SCP2: variants seen among roughly 807,000 people sequenced by gnomAD.
SCP2 encodes the protein sterol carrier protein 2.
SCP2 carries 48 observed loss-of-function variants against 71.4 expected under a neutral mutation model. That is an observed-to-expected ratio of 0.67 (90% CI 0.53 to 0.86). The LOEUF (loss-of-function observed/expected upper bound fraction) is 0.86, where lower values mean the gene tolerates loss of function less well. Ranked by LOEUF, SCP2 falls within the 40% of genes least tolerant of loss-of-function variation. The pLI is 0.00. For synonymous variants in SCP2, 220 were observed against 218.1 expected (o/e 1.01, Z -0.08); for missense variants, 560 against 655.6 (o/e 0.85, Z 1.59).
At chr1:52,927,916 C>A (rs1395141942) in intron 1 of SCP2, among the ~76,000 whole-genome samples, 2 of 152,178 alleles carry the variant, frequency 1.3e-5, no homozygotes, top group Admixed American at 1.3e-4. Context: ...AGATTCCGGC[C>A]TCCCTCTGTC....
rs77775032 is a variant in SCP2, at chr1:53,019,304, G to T, written c.1235+4261G>T. On this transcript the variant is annotated intron_variant, in intron 12 of 15. Coordinates refer to ENST00000371514, the MANE Select transcript of SCP2 (RefSeq NM_002979.5). ...TTAACTGGCATTATTCTGTAAAGAA[G>T]AGCTTTCCCTTGTCTTCCATTTCAA... is the stretch of plus-strand genomic sequence containing the variant. Among the ~76,000 whole-genome samples, 195 of 152,274 alleles carry T rather than the reference G, an allele frequency of 1.3e-3. 1 individual carries two copies. Among genetic ancestry groups the T allele is most frequent in the African/African-American group, 4.3e-3 (180 of 41,566 alleles).
In SCP2 at chr1:52,950,776, G is replaced by A; in HGVS notation, c.221G>A (p.Arg74Lys). Residue 74 changes from arginine (R) to lysine (K), a missense_variant, in exon 4 of 16, where the codon AGG becomes AAG. By Grantham distance (26) the Arg-to-Lys change is conservative. Around this residue, in one of 3 missense-constraint regions of SCP2, gnomAD observed 513 missense variants for 573.1 expected, o/e 0.90. Transcript: ENST00000371514. ...YVFGDSTCGQ[R>K]AIYHSLGMTG... ...TCAGGTGACTCTACCTGTGGGCAGAGGGCTATCTATCACAGTTTGGGAATG... is the reference window on the plus strand; with the variant it reads ...TCAGGTGACTCTACCTGTGGGCAGAAGGCTATCTATCACAGTTTGGGAATG... The A allele has an allele frequency of 6.2e-7, 1 of 1,613,712 alleles. No individual in the cohort carries two copies. The highest frequency in any genetic ancestry group is 8.5e-7 in the Non-Finnish European group (1 of 1,179,706).
chr1:53,033,825 G>T (rs1259519150), intron 13 of SCP2, among the ~76,000 whole-genome samples: 1 of 152,042 alleles, frequency 6.6e-6, no homozygotes, highest in Admixed American at 6.6e-5. Context: ...AAGAAATTAG[G>T]AGCCTATGTT....
intron 12 of SCP2, 60 bp downstream of exon 12, chr1:53,015,103 A>G: frequency 6.8e-7 from 1 of 1,467,382 alleles, no homozygotes; most frequent in Non-Finnish European, 9.6e-7. Context: ...ACAGTTGATG[A>G]TGTTTTACAT....
chr1:53,016,057 A>G (rs1188648748), intron 12 of SCP2, among the ~76,000 whole-genome samples: 1 of 151,800 alleles, frequency 6.6e-6, no homozygotes, highest in Admixed American at 6.6e-5. Context: ...TTATTATTAT[A>G]CTTTAAGTTG....
chr1:53,051,683 G>A lies in SCP2; in HGVS notation c.*979G>A, dbSNP rs1427922602. 3 of 152,158 alleles carry A rather than the reference G, an allele frequency of 2.0e-5. No homozygotes were observed. Among genetic ancestry groups the A allele is most frequent in the Non-Finnish European group, 4.4e-5 (3 of 68,034 alleles). 9.4% of individuals were successfully genotyped at this position (152,158 alleles called of 1,614,324 possible). On this transcript the variant is annotated 3_prime_UTR_variant, in exon 16 of 16. Coordinates refer to ENST00000371514, the MANE Select transcript of SCP2 (RefSeq NM_002979.5). ...ATGCAGAATAAAGAGAAACGTTGGGGGATTTATAAACTGAATGTTATCTGG... is the reference window on the plus strand; with the variant it reads ...ATGCAGAATAAAGAGAAACGTTGGGAGATTTATAAACTGAATGTTATCTGG...
rs140993476 is a variant in SCP2 at position 52,930,517 on chromosome 1, T to A, written c.69+3052T>A. ...GGCGCACACCTATAGTCCCAACCAC[T>A]CGGGAGGCTTATCTGGGAGGATCAC... On this transcript the variant is annotated intron_variant, in intron 1 of 15. Transcript: ENST00000371514. Among the ~76,000 whole-genome samples, 1,345 of 151,978 alleles carry A rather than the reference T, an allele frequency of 8.8e-3. 10 individuals are homozygous for A. Among genetic ancestry groups the A allele is most frequent in the Middle Eastern group, 0.024 (7 of 294 alleles).
chr1:52,935,671 C>T (rs1316907287), intron 1 of SCP2, among the ~76,000 whole-genome samples: 1 of 151,696 alleles, frequency 6.6e-6, no homozygotes, highest in Non-Finnish European at 1.5e-5. Context: ...TAGTGAGTGG[C>T]TCATGCCTGT....
chr1:53,023,989 C>G (rs1162233794), intron 12 of SCP2, among the ~76,000 whole-genome samples: 1 of 152,170 alleles, frequency 6.6e-6, no homozygotes, highest in African/African-American at 2.4e-5. Flanking sequence ...ATCTGATCCT[C>G]TTTCTTCGCT....
chr1:53,013,927 G>T (rs1294335998), intron 11 of SCP2, among the ~76,000 whole-genome samples: 1 of 105,830 alleles, frequency 9.4e-6, no homozygotes, highest in Non-Finnish European at 1.8e-5. Flanking sequence ...ACGGAGTCTT[G>T]CTCTGTCGCC....
intron 11 of SCP2, among the ~76,000 whole-genome samples, chr1:53,005,138 G>C (rs945500452): frequency 1.3e-5 from 2 of 152,156 alleles, no homozygotes; most frequent in Admixed American, 6.5e-5. Context: ...GCTTGAACTG[G>C]GTGGAGCCCA....
intron 5 of SCP2, among the ~76,000 whole-genome samples, chr1:52,956,902 C>CTTTTTTTT (rs370787153): frequency 2.8e-5 from 3 of 105,898 alleles, no homozygotes; most frequent in African/African-American, 8.1e-5. Context: ...CTCCTTCTGC[C>CTTTTTTTT]TTTTTTTTTT....
chr1:53,021,649 T>C (rs539230157), intron 12 of SCP2, among the ~76,000 whole-genome samples: 74 of 110,034 alleles, frequency 6.7e-4, no homozygotes, highest in Admixed American at 2.3e-3. Flanking sequence ...TTCTTTCTTT[T>C]TTTTTTTTTT....
intron 14 of SCP2, among the ~76,000 whole-genome samples, chr1:53,040,312 A>T (rs138717406): frequency 1.4e-4 from 21 of 152,284 alleles, no homozygotes; most frequent in Non-Finnish European, 2.1e-4. Context: ...CTGTCTTACT[A>T]TGTATGTCCT....
chr1:53,046,944 A>T (rs1263419180), intron 14 of SCP2, among the ~76,000 whole-genome samples: 1 of 152,242 alleles, frequency 6.6e-6, no homozygotes, highest in Non-Finnish European at 1.5e-5. Flanking sequence ...TCCATGGATA[A>T]GTAGGCTGAG....
intron 11 of SCP2, among the ~76,000 whole-genome samples, chr1:52,989,818 G>T (rs1659312492): frequency 6.6e-6 from 1 of 152,118 alleles, no homozygotes; most frequent in Non-Finnish European, 1.5e-5. Context: ...GTCCATAGGG[G>T]GCTTTGAAAA....
At chr1:53,001,181 C>T (rs1223739383) in intron 11 of SCP2, among the ~76,000 whole-genome samples, 4 of 151,766 alleles carry the variant, frequency 2.6e-5, no homozygotes, top group Non-Finnish European at 5.9e-5. Context: ...GCAGATAATA[C>T]AAGAACACAA....
intron 3 of SCP2, among the ~76,000 whole-genome samples, chr1:52,949,810 G>T (rs925733116): frequency 2.0e-5 from 3 of 152,216 alleles, no homozygotes; most frequent in African/African-American, 7.2e-5. Context: ...AATGTAAAGT[G>T]TAATGATTTC....
intron 5 of SCP2, among the ~76,000 whole-genome samples, chr1:52,957,691 C>A (rs1015814515): frequency 1.3e-5 from 2 of 152,220 alleles, no homozygotes; most frequent in East Asian, 3.8e-4. Flanking sequence ...CTTTTCAATT[C>A]TTTCTCTCAT....
Sources: allele counts gnomAD v4.1 joint callset (sites outside exome capture counted in the v4.1 genomes callset), GRCh38; gene constraint gnomAD v4.1.1; regional missense constraint gnomAD v4.1.1; transcripts MANE v1.5; gene names NCBI Gene and HGNC (gene_info 2026-07-23, HGNC 2026-07-21).